The following ZNF415 variants were observed in gnomAD, a reference collection of about 807,000 sequenced individuals.
ZNF415 encodes zinc finger protein 415.
ZNF415 carries 5 observed loss-of-function variants against 7.3 expected under a neutral mutation model. That is an observed-to-expected ratio of 0.69 (90% CI 0.36 to 1.44). The LOEUF (loss-of-function observed/expected upper bound fraction) is 1.44, where lower values mean the gene tolerates loss of function less well. Among genes scored for constraint, ZNF415 ranks in the 40% most tolerant of loss-of-function variants. ZNF415 has a pLI of 0.04. For synonymous variants in ZNF415, 207 were observed against 226.3 expected (o/e 0.91, Z 0.77); for missense variants, 628 against 664.8 (o/e 0.94, Z 0.61).
In ZNF415 at chr19:53,108,055, TCAA is replaced by T; in HGVS notation, c.*319_*321del. The T allele has an allele frequency of 3.5e-6, 1 of 281,924 alleles. No homozygotes were observed. The highest frequency in any genetic ancestry group is 7.0e-5 in the East Asian group (1 of 14,308). 17.5% of individuals were successfully genotyped at this position (281,924 alleles called of 1,614,324 possible). Reference sequence around the variant, plus strand: ...CAGTTTTGATCCTTGGTTAATAGCTTCAACATGCACAAAATATACAAAGATGTT... The same window carrying T: ...CAGTTTTGATCCTTGGTTAATAGCTTCATGCACAAAATATACAAAGATGTT... On this transcript the variant is annotated 3_prime_UTR_variant, in exon 4 of 4. Coordinates refer to ENST00000243643, the MANE Select transcript of ZNF415 (RefSeq NM_018355.4).
intron 3 of ZNF415, among the ~76,000 whole-genome samples, chr19:53,111,814 C>A (rs2086280683): frequency 6.6e-6 from 1 of 152,108 alleles, no homozygotes; most frequent in African/African-American, 2.4e-5. Context: ...TAAAAACTTT[C>A]AAGTAAATTG....
chr19:53,113,106 TA>T, intron 3 of ZNF415, among the ~76,000 whole-genome samples: 1 of 145,914 alleles, frequency 6.9e-6, no homozygotes, highest in East Asian at 2.0e-4. Context: ...AAAAGTATCA[TA>T]AAAAATACAG....
Position 53,126,679 on chromosome 19 carries a change from G to A in ZNF415, c.-67-3936C>T, listed in dbSNP as rs571395704. Among the ~76,000 whole-genome samples the A allele has an allele frequency of 3.1e-5, 4 of 129,060 alleles. 1 individual carries two copies. Among genetic ancestry groups the A allele is most frequent in the South Asian group, 5.2e-4 (2 of 3,836 alleles). 84.7% of individuals were successfully genotyped at this position (129,060 alleles called of 152,430 possible). A position where few individuals can be genotyped will look rare whatever the true frequency, so the allele number is the denominator to read the frequency against. On this transcript the variant is annotated intron_variant, in intron 1 of 3. Coordinates refer to ENST00000243643, the MANE Select transcript of ZNF415 (RefSeq NM_018355.4). Reference sequence around the variant, plus strand: ...GAGGACAATGGGGAAAGGGAGAAGCGTGTGCATAGGATGAGATGTGTGTTG... The same window carrying A: ...GAGGACAATGGGGAAAGGGAGAAGCATGTGCATAGGATGAGATGTGTGTTG...
chr19:53,114,117 G>C (rs75953354), intron 3 of ZNF415, among the ~76,000 whole-genome samples: 10,351 of 152,206 alleles, frequency 0.068, 448 homozygotes, highest in East Asian at 0.1. Flanking sequence ...ATAACCTATA[G>C]GTTGGTTATC....
intron 1 of ZNF415, among the ~76,000 whole-genome samples, chr19:53,125,485 G>A (rs552815918): frequency 7.2e-5 from 11 of 151,950 alleles, no homozygotes; most frequent in African/African-American, 2.4e-4. Context: ...CAAGAGGCAC[G>A]AGCCACCACA....
intron 1 of ZNF415, among the ~76,000 whole-genome samples, chr19:53,127,875 C>CAAAAAAAAAA (rs35037197): frequency 7.9e-6 from 1 of 126,300 alleles, no homozygotes; most frequent in African/African-American, 3.0e-5. Flanking sequence ...GACACCGTCT[C>CAAAAAAAAAA]AAAAAAAAAA....
rs1568538023 is a variant in ZNF415, at chr19:53,109,518, GA to G, written c.526del (p.Ser176HisfsTer5). Reference protein sequence around the residue: ...EKSVNHGSSVSPPQIISSTIK... With the variant: ...EKSVNHGSSVXPPQIISSTIK... ...GGTAGAAGAAATTATTTGGGGTGGT[GA>G]AACTGAGGAACCATGGTTGACAGAC... On this transcript the variant is annotated frameshift_variant, in exon 4 of 4. Coordinates refer to ENST00000243643, the MANE Select transcript of ZNF415 (RefSeq NM_018355.4). LOFTEE classifies it low-confidence loss of function (END_TRUNC). The G allele has an allele frequency of 1.2e-6, 2 of 1,614,020 alleles. No homozygotes were observed. Among genetic ancestry groups the G allele is most frequent in the East Asian group, 4.5e-5 (2 of 44,882 alleles).
At position 53,126,650 on chromosome 19, in the gene ZNF415, TAG is replaced by T. The variant is rs562614500; in HGVS notation, c.-67-3909_-67-3908del. The stretch of plus-strand genomic sequence containing the variant: ...CTAGGGAAGCATTAGTTTCCCATCA[TAG>T]AGAGGACAATGGGGAAAGGGAGAAG... On this transcript the variant is annotated intron_variant, in intron 1 of 3. Transcript: ENST00000243643. Among the ~76,000 whole-genome samples, 20 of 130,374 alleles carry T rather than the reference TAG, an allele frequency of 1.5e-4. 3 individuals carry two copies. In the South Asian group the frequency reaches 4.8e-3, roughly 31 times the overall value. The allele number at this position is 130,374 out of a possible 152,430, so 85.5% of individuals were successfully genotyped here.
At position 53,122,407 on chromosome 19, in the gene ZNF415, G is replaced by A. The variant is rs566752458; in HGVS notation, c.15+255C>T. 85 of 1,536,956 alleles carry A rather than the reference G, an allele frequency of 5.5e-5. 1 individual carries two copies. In the African/African-American group the frequency reaches 6.0e-4, roughly 11 times the overall value. On this transcript the variant is annotated intron_variant, in intron 2 of 3. Coordinates refer to ENST00000243643, the MANE Select transcript of ZNF415 (RefSeq NM_018355.4). ...ACTGACACCACGGGACCCTCACCCC[G>A]TCTCCATCCATGTCTGGGTGTGAGC...
Position 53,119,469 on chromosome 19 carries a change from A to T in ZNF415, c.16-3036T>A, listed in dbSNP as rs866889823. Among the ~76,000 whole-genome samples, 21 of 147,734 alleles carry T rather than the reference A, an allele frequency of 1.4e-4. No individual in the cohort carries two copies. The South Asian group carries it at 4.0e-3, about 28-fold the overall frequency. The stretch of plus-strand genomic sequence containing the variant: ...CAAAAAAAAAAAAAAAAAAAAAAAA[A>T]ATTTAAATAGACAGTCTAACAATGC... On this transcript the variant is annotated intron_variant, in intron 2 of 3. Coordinates refer to ENST00000243643, the MANE Select transcript of ZNF415 (RefSeq NM_018355.4).
At chr19:53,126,482 G>A (rs1367589690) in intron 1 of ZNF415, among the ~76,000 whole-genome samples, 2 of 142,698 alleles carry the variant, frequency 1.4e-5, no homozygotes, top group African/African-American at 5.0e-5. Flanking sequence ...CAGATCCTTG[G>A]GTCTTGCGTG....
In ZNF415 at chr19:53,109,312, T is replaced by G; in HGVS notation, c.733A>C (p.Lys245Gln). The G allele has an allele frequency of 6.2e-7, 1 of 1,614,206 alleles. No individual in the cohort carries two copies. The highest frequency in any genetic ancestry group is 8.5e-7 in the Non-Finnish European group (1 of 1,180,034). Reference protein sequence around the residue: ...QVSHSGEKGYKCDLCGKVFSQ... With the variant: ...QVSHSGEKGYQCDLCGKVFSQ... ...AAGACCTTGCCACACAGATCACATT[T>G]ATATCCTTTCTCTCCAGAATGACTT... The change falls in exon 4 of 4, where the codon AAA becomes CAA. Residue 245 changes from lysine (K) to glutamine (Q), a missense_variant. Lys to Gln is a moderately conservative substitution (Grantham distance 53). Transcript: ENST00000243643.
chr19:53,132,206 T>C (rs2090168575), intron 1 of ZNF415, among the ~76,000 whole-genome samples: 1 of 152,228 alleles, frequency 6.6e-6, no homozygotes, highest in African/African-American at 2.4e-5. Flanking sequence ...CCTTCCTGTC[T>C]CAGGTTTTCT....
At chr19:53,129,442 C>T in intron 1 of ZNF415, 1 of 395,720 alleles carries the variant, frequency 2.5e-6, no homozygotes, top group Non-Finnish European at 4.4e-6. Flanking sequence ...CCCTGCTTCA[C>T]ATTCTTGTTT....
intron 3 of ZNF415, among the ~76,000 whole-genome samples, chr19:53,114,740 A>G (rs1461337090): frequency 6.6e-6 from 1 of 152,178 alleles, no homozygotes; most frequent in African/African-American, 2.4e-5. Context: ...ACAGTTCTGC[A>G]GAGTAACAAT....
chr19:53,130,372 TC>T (rs1046544266), intron 1 of ZNF415, among the ~76,000 whole-genome samples: 7 of 152,110 alleles, frequency 4.6e-5, no homozygotes, highest in African/African-American at 1.4e-4. Context: ...CAGACCTCTA[TC>T]AAAACTGGAC....
intron 1 of ZNF415, among the ~76,000 whole-genome samples, chr19:53,123,223 A>G (rs2088438648): frequency 6.6e-6 from 1 of 152,142 alleles, no homozygotes. Flanking sequence ...AAAGTACCCC[A>G]GCACTTTCAT....
At position 53,109,493 on chromosome 19, in the gene ZNF415, G is replaced by A. The variant is rs772762178; in HGVS notation, c.552C>T (p.Thr184=). The A allele has an allele frequency of 6.2e-6, 10 of 1,613,852 alleles. No homozygotes were observed. The African/African-American group carries it at 6.7e-5, about 11-fold the overall frequency. Residue 184 remains threonine (T), a synonymous_variant, in exon 4 of 4, where the codon ACC becomes ACT. Coordinates refer to ENST00000243643, the MANE Select transcript of ZNF415 (RefSeq NM_018355.4). ...ATTTATTAGAAACATGGGTTTTGAT[G>A]GTAGAAGAAATTATTTGGGGTGGTG... ...SVSPPQIISS[T]IKTHVSNKYG...
chr19:53,132,043 C>G (rs1271702855), intron 1 of ZNF415, among the ~76,000 whole-genome samples: 5 of 152,096 alleles, frequency 3.3e-5, no homozygotes, highest in African/African-American at 7.2e-5. Flanking sequence ...ACCTGGCTGT[C>G]CTTCATCTCT....
Sources: allele counts gnomAD v4.1 joint callset (sites outside exome capture counted in the v4.1 genomes callset), GRCh38; gene constraint gnomAD v4.1.1; transcripts MANE v1.5; gene names NCBI Gene and HGNC (gene_info 2026-07-23, HGNC 2026-07-21).